Variants in PAN3 observed in about 807,000 individuals in gnomAD.
PAN3 encodes poly(A) specific ribonuclease subunit PAN3, also known as PAN2-PAN3 deadenylation complex subunit PAN3.
PAN3 carries 19 observed loss-of-function variants against 96.2 expected under a neutral mutation model. That is an observed-to-expected ratio of 0.20 (90% CI 0.14 to 0.29). The LOEUF is 0.29. Among genes scored for constraint, PAN3 ranks in the 10% least tolerant of loss-of-function variants. PAN3 has a pLI of 1.00. For missense variants in PAN3, 882 were observed against 1,108.1 expected, an observed-to-expected ratio of 0.80 and a Z score of 2.90; for synonymous variants, 433 against 406.6, an observed-to-expected ratio of 1.06 and a Z score of -0.78.
chr13:28,290,252 CAT>C (rs1429956262), intron 18 of PAN3, among the ~76,000 whole-genome samples: 1 of 152,222 alleles, frequency 6.6e-6, no homozygotes, highest in African/African-American at 2.4e-5. Flanking sequence ...TACTGTAGCA[CAT>C]GATTTAGAAC....
chr13:28,141,003 CTTTTTTTTTTTT>C (rs979248659), intron 1 of PAN3, among the ~76,000 whole-genome samples: 2 of 112,944 alleles, frequency 1.8e-5, no homozygotes, highest in South Asian at 5.8e-4. Flanking sequence ...GAAAGAGACA[CTTTTTTTTTTTT>C]TTTTTTTGAG....
chr13:28,261,924 CA>C (rs963792783), intron 9 of PAN3, among the ~76,000 whole-genome samples: 2 of 150,776 alleles, frequency 1.3e-5, no homozygotes, highest in African/African-American at 4.9e-5. Flanking sequence ...TTCTAGTTCA[CA>C]AAAAAAGTAT....
At chr13:28,194,685 G>T (rs1566175890) in intron 4 of PAN3, among the ~76,000 whole-genome samples, 1 of 151,572 alleles carries the variant, frequency 6.6e-6, no homozygotes, top group Admixed American at 6.6e-5. Flanking sequence ...GCTCAGTCTG[G>T]TCTTGAACTC....
intron 17 of PAN3, among the ~76,000 whole-genome samples, chr13:28,285,578 G>A (rs1308176330): frequency 6.6e-6 from 1 of 152,120 alleles, no homozygotes; most frequent in Non-Finnish European, 1.5e-5. Flanking sequence ...TCAGTTCTGG[G>A]ACATGGTCTT....
intron 14 of PAN3, among the ~76,000 whole-genome samples, chr13:28,273,026 A>G (rs1593613354): frequency 1.3e-5 from 2 of 152,200 alleles, no homozygotes; most frequent in South Asian, 2.1e-4. Context: ...AATTACACCT[A>G]TTATTTTTAC....
At chr13:28,152,516 G>A (rs919894985) in intron 1 of PAN3, among the ~76,000 whole-genome samples, 16 of 152,158 alleles carry the variant, frequency 1.1e-4, no homozygotes, top group Admixed American at 8.5e-4. Context: ...CCCAGGAGGC[G>A]GAGGTTGGAG....
At chr13:28,196,017 T>G (rs887905289) in intron 4 of PAN3, among the ~76,000 whole-genome samples, 7 of 148,908 alleles carry the variant, frequency 4.7e-5, no homozygotes, top group East Asian at 1.9e-4. Context: ...TGGCTATAGG[T>G]TTTTTTTTGT....
chr13:28,186,140 T>C lies in PAN3; in HGVS notation c.690+8205T>C, dbSNP rs576252391. On this transcript the variant is annotated intron_variant, in intron 4 of 18. Transcript: ENST00000380958. ...AAATTCTAGTTATTTGAATGAAGTC[T>C]TTATCAGTTCTCATTGATTCCATCC... 7.2e-5 allele frequency among the ~76,000 whole-genome samples: 11 copies of C among 152,294 alleles called. No individual in the cohort carries two copies. In the East Asian group the frequency reaches 1.9e-3, roughly 27 times the overall value.
intron 10 of PAN3, 60 bp downstream of exon 10, chr13:28,266,936 C>G: frequency 7.3e-7 from 1 of 1,365,634 alleles, no homozygotes; most frequent in Non-Finnish European, 9.8e-7. Context: ...ATTATTCAAA[C>G]CTTCTTGAAT....
intron 13 of PAN3, 24 bp from the exon 14 acceptor site, chr13:28,271,956 TC>T (rs762191385): frequency 6.9e-7 from 1 of 1,440,294 alleles, no homozygotes; most frequent in South Asian, 1.3e-5. Context: ...TTAATTATTT[TC>T]TTTAAATTAT....
chr13:28,192,123 G>A (rs1294495105), intron 4 of PAN3, among the ~76,000 whole-genome samples: 1 of 146,190 alleles, frequency 6.8e-6, no homozygotes, highest in East Asian at 2.0e-4. Context: ...TCAGCTCACT[G>A]CAGCGGCACC....
intron 6 of PAN3, among the ~76,000 whole-genome samples, chr13:28,249,741 C>A (rs150995735): frequency 2.0e-5 from 3 of 152,134 alleles, no homozygotes; most frequent in African/African-American, 7.2e-5. Flanking sequence ...TGAGCCACCG[C>A]GCCCGGCCAA....
At chr13:28,257,171 T>C (rs45480200) in intron 7 of PAN3, among the ~76,000 whole-genome samples, 5,497 of 151,716 alleles carry the variant, frequency 0.036, 303 homozygotes, top group African/African-American at 0.13. Context: ...AGAGGAAACA[T>C]GAATATTAAG....
rs1870103053 is a variant in PAN3 at position 28,294,399 on chromosome 13, ATTC to A, written c.*1880_*1882del. The A allele has an allele frequency of 6.6e-6, 1 of 152,616 alleles. No individual in the cohort carries two copies. Among genetic ancestry groups the A allele is most frequent in the Non-Finnish European group, 1.5e-5 (1 of 68,006 alleles). The allele number at this position is 152,616 out of a possible 1,614,324, so 9.5% of individuals were successfully genotyped here. On this transcript the variant is annotated 3_prime_UTR_variant, in exon 19 of 19. Transcript: ENST00000380958. ...TATGTTTTTTGACAAATCATATTGT[ATTC>A]TTTTGTACAAAAAAGAACTACTTGT...
intron 5 of PAN3, among the ~76,000 whole-genome samples, chr13:28,208,930 AT>A (rs1423940391): frequency 6.6e-6 from 1 of 152,166 alleles, no homozygotes; most frequent in Non-Finnish European, 1.5e-5. Flanking sequence ...TTTTGTAAAA[AT>A]TATACAGTGG....
intron 6 of PAN3, among the ~76,000 whole-genome samples, chr13:28,255,560 T>G (rs1270402462): frequency 1.3e-5 from 2 of 152,248 alleles, no homozygotes; most frequent in Admixed American, 1.3e-4. Flanking sequence ...CTGGTTGTGG[T>G]TGTTCCACTG....
intron 5 of PAN3, among the ~76,000 whole-genome samples, chr13:28,201,803 T>G (rs898017648): frequency 1.3e-5 from 2 of 152,198 alleles, no homozygotes; most frequent in Non-Finnish European, 2.9e-5. Context: ...GATTCTGAAA[T>G]GTTACTTTTA....
chr13:28,282,452 T>C (rs1259799671), intron 17 of PAN3, among the ~76,000 whole-genome samples: 1 of 152,142 alleles, frequency 6.6e-6, no homozygotes, highest in African/African-American at 2.4e-5. Flanking sequence ...TAACAATATA[T>C]GTTAAACCAT....
intron 1 of PAN3, among the ~76,000 whole-genome samples, chr13:28,169,006 A>G (rs542495558): frequency 2.7e-5 from 4 of 150,732 alleles, no homozygotes; most frequent in Admixed American, 2.7e-4. Context: ...ACAGAGCGAG[A>G]CTCCGTCTCA....
Sources: gnomAD v4.1 joint callset for allele counts (sites outside exome capture counted in the v4.1 genomes callset) on GRCh38, gnomAD v4.1.1 for gene constraint, MANE v1.5 for transcripts, NCBI Gene and HGNC (gene_info 2026-07-23, HGNC 2026-07-21) for gene names.